Variants in LRRCC1 observed in about 807,000 individuals in gnomAD.
LRRCC1 encodes the protein leucine-rich repeat and coiled-coil domain-containing protein 1.
A neutral mutation model predicts 126.0 loss-of-function variants in LRRCC1; 115 were observed. The ratio of observed to expected loss-of-function variants is 0.91; its 90% CI spans 0.78 to 1.07. LRRCC1 has a LOEUF of 1.07. Ranked by LOEUF, LRRCC1 falls within the 50% of genes least tolerant of loss-of-function variation. The probability of loss-of-function intolerance (pLI) is 0.00; values close to 1 mark genes in which losing one functional copy is unlikely to be tolerated. For missense variants in LRRCC1, 1,172 were observed against 1,175.7 expected, an observed-to-expected ratio of 1.00 and a Z score of 0.05; for synonymous variants, 400 against 393.4, an observed-to-expected ratio of 1.02 and a Z score of -0.20.
chr8:85,123,629 T>C (rs1809743919), intron 7 of LRRCC1, 23 bp downstream of exon 7: 3 of 1,513,620 alleles, frequency 2.0e-6, no homozygotes, highest in East Asian at 2.3e-5. Context: ...GTTTTAGAAA[T>C]TTAAGGCACA....
rs1811019486 is a variant in LRRCC1, at chr8:85,138,344, G to T, written c.2709G>T (p.Leu903=). Residue 903 remains leucine (L), a synonymous_variant, in exon 17 of 19, where the codon CTG becomes CTT. Coordinates refer to ENST00000360375, the MANE Select transcript of LRRCC1 (RefSeq NM_033402.5). ...AAATTACTTCTCATATTAGTACACT[G>T]AATCGGAAGTGGCATGATAAAGGAG... ...LEEIRKAYST[L]NRKWHDKGEL... 1.9e-6 allele frequency: 3 copies of T among 1,602,848 alleles called. No homozygotes were observed. Among genetic ancestry groups the T allele is most frequent in the Non-Finnish European group, 2.5e-6 (3 of 1,176,710 alleles).
chr8:85,141,675 C>T (rs747874197), intron 18 of LRRCC1, among the ~76,000 whole-genome samples, 158 bp downstream of exon 18: 2 of 152,084 alleles, frequency 1.3e-5, no homozygotes, highest in Non-Finnish European at 1.5e-5. Context: ...CAGGGTAAAA[C>T]GTTGGTAATA....
At chr8:85,145,169 G>T (rs930108061) in intron 18 of LRRCC1, among the ~76,000 whole-genome samples, 2 of 148,750 alleles carry the variant, frequency 1.3e-5, no homozygotes, top group Admixed American at 6.7e-5. Flanking sequence ...TGAAAACTAA[G>T]TAGATAATAT....
In LRRCC1 at chr8:85,138,188, AAAC is replaced by A; in HGVS notation, c.2652_2654del (p.Gln885del). 1.2e-6 allele frequency: 2 copies of A among 1,612,528 alleles called. No homozygotes were observed. The highest frequency in any genetic ancestry group is 1.3e-5 in the African/African-American group (1 of 75,000). Reference sequence around the variant, plus strand: ...GCACAATGAAAGAAAAGAAAAACTAAAACAACAGTTGAAAGGAAAGGAAGTAGA... The same window carrying A: ...GCACAATGAAAGAAAAGAAAAACTAAAACAGTTGAAAGGAAAGGAAGTAGA... On this transcript the variant is annotated inframe_deletion, in exon 16 of 19. Transcript: ENST00000360375.
At chr8:85,107,541 C>G in intron 1 of LRRCC1, 142 bp downstream of exon 1, 2 of 676,410 alleles carry the variant, frequency 3.0e-6, no homozygotes, top group Non-Finnish European at 4.7e-6. Context: ...TCGGCCTCCC[C>G]GCTCCTCCAA....
Position 85,134,940 on chromosome 8 carries a change from T to C in LRRCC1, c.2062T>C (p.Leu688=). 6.3e-7 allele frequency: 1 copy of C among 1,596,562 alleles called. No individual in the cohort carries two copies. The highest frequency in any genetic ancestry group is 8.5e-7 in the Non-Finnish European group (1 of 1,176,416). Residue 688 remains leucine (L), a synonymous_variant, in exon 13 of 19, where the codon TTA becomes CTA. Coordinates refer to ENST00000360375, the MANE Select transcript of LRRCC1 (RefSeq NM_033402.5). The part of the protein sequence containing the change: ...AQRKENESSS[L]IKDLTCMVKE... ...ACGAAAAGAAAATGAGTCTTCCTCTTTAATTAAAGATCTGACCTGTATGGT... is the reference window on the plus strand; with the variant it reads ...ACGAAAAGAAAATGAGTCTTCCTCTCTAATTAAAGATCTGACCTGTATGGT...
intron 2 of LRRCC1, 32 bp downstream of exon 2, chr8:85,109,832 G>GT: frequency 8.5e-7 from 1 of 1,183,344 alleles, no homozygotes; most frequent in Non-Finnish European, 1.2e-6. Flanking sequence ...AACACTTAGC[G>GT]TAAGGAAAAT....
intron 8 of LRRCC1, 130 bp from the exon 9 acceptor site, chr8:85,126,559 T>TAAAAAAAAA: frequency 1.3e-6 from 1 of 778,988 alleles, no homozygotes; most frequent in South Asian, 2.1e-5. Context: ...CTCAAAAAAA[T>TAAAAAAAAA]AAAATAAAAA....
intron 9 of LRRCC1, among the ~76,000 whole-genome samples, chr8:85,128,258 G>C (rs1810161814): frequency 6.6e-6 from 1 of 152,162 alleles, no homozygotes; most frequent in Admixed American, 6.5e-5. Context: ...AGAGGACGCT[G>C]TGTCTAGGGC....
At chr8:85,144,283 A>T (rs975911340) in intron 18 of LRRCC1, among the ~76,000 whole-genome samples, 1 of 151,920 alleles carries the variant, frequency 6.6e-6, no homozygotes, top group East Asian at 1.9e-4. Context: ...CTCAGCATTG[A>T]TAAGCAGTAT....
chr8:85,129,303 A>T lies in LRRCC1; in HGVS notation c.1550A>T (p.His517Leu), dbSNP rs1354416629. The change falls in exon 10 of 19, where the codon CAC (histidine) becomes CTC (leucine). Residue 517 changes from histidine to leucine, a missense_variant. Transcript: ENST00000360375. ...LMKAKDQQED[H>L]LKHLRTLEKT... The stretch of plus-strand genomic sequence containing the variant: ...AAAGCAAAAGATCAACAAGAGGATC[A>T]CCTTAAACACTTAAGAACCCTCGAA... The T allele has an allele frequency of 6.2e-7, 1 of 1,613,752 alleles. No individual in the cohort carries two copies. The highest frequency in any genetic ancestry group is 8.5e-7 in the Non-Finnish European group (1 of 1,179,902).
chr8:85,112,504 A>G (rs955209857), intron 3 of LRRCC1, among the ~76,000 whole-genome samples: 5 of 152,234 alleles, frequency 3.3e-5, no homozygotes, highest in African/African-American at 1.2e-4. Context: ...AAATATTACC[A>G]GGGAATTAAA....
chr8:85,118,047 A>G (rs1399231801), intron 6 of LRRCC1, among the ~76,000 whole-genome samples: 1 of 152,144 alleles, frequency 6.6e-6, no homozygotes, highest in East Asian at 1.9e-4. Context: ...CACTGCCTCC[A>G]GAGGCAATCA....
chr8:85,112,222 T>A (rs1563929197), intron 3 of LRRCC1, among the ~76,000 whole-genome samples: 1 of 152,150 alleles, frequency 6.6e-6, no homozygotes, highest in Non-Finnish European at 1.5e-5. Flanking sequence ...TAAATATAAT[T>A]GTGCAGTCTG....
intron 9 of LRRCC1, among the ~76,000 whole-genome samples, chr8:85,127,667 C>G (rs907515220): frequency 6.6e-6 from 1 of 152,140 alleles, no homozygotes; most frequent in Non-Finnish European, 1.5e-5. Flanking sequence ...GTGATACTGA[C>G]GTGGTGTTTT....
intron 17 of LRRCC1, among the ~76,000 whole-genome samples, chr8:85,138,807 G>A (rs1300489425): frequency 6.6e-6 from 1 of 152,144 alleles, no homozygotes; most frequent in Non-Finnish European, 1.5e-5. Flanking sequence ...CGCTTTGGGA[G>A]GCCGAGGTGG....
Position 85,123,540 on chromosome 8 carries a change from T to TCC in LRRCC1, c.1060_1061dup (p.Tyr355LeufsTer21), listed in dbSNP as rs775775340. On this transcript the variant is annotated frameshift_variant, in exon 7 of 19. Coordinates refer to ENST00000360375, the MANE Select transcript of LRRCC1 (RefSeq NM_033402.5). LOFTEE classifies it high-confidence loss of function. The stretch of plus-strand genomic sequence containing the variant: ...AGAAAAGTTCCTCGAAGATCAAAAA[T>TCC]CCCTTATGATGCCAAAACCATTCAA... 4 of 1,610,676 alleles carry TCC rather than the reference T, an allele frequency of 2.5e-6. No individual in the cohort carries two copies. In the South Asian group the frequency reaches 4.4e-5, roughly 18 times the overall value.
intron 11 of LRRCC1, 95 bp from the exon 12 acceptor site, chr8:85,131,665 C>T: frequency 1.1e-6 from 1 of 915,464 alleles, no homozygotes; most frequent in Non-Finnish European, 1.6e-6. Context: ...ATTAACAATA[C>T]TGAATATAGA....
Position 85,124,774 on chromosome 8 carries a change from A to G in LRRCC1, c.1125-18A>G, listed in dbSNP as rs1338655502. On this transcript the variant is annotated intron_variant, in intron 7 of 18. Transcript: ENST00000360375. ...ACACTACTTTTTTGAGTTATTTTCT[A>G]TGTTTCATTCTTTACAGTTGTAATC... 4 of 1,456,692 alleles carry G rather than the reference A, an allele frequency of 2.7e-6. No individual in the cohort carries two copies. The highest frequency in any genetic ancestry group is 2.9e-5 in the African/African-American group (2 of 69,120). 90.2% of individuals were successfully genotyped at this position (1,456,692 alleles called of 1,614,324 possible).
Sources: gnomAD v4.1 joint callset for allele counts (sites outside exome capture counted in the v4.1 genomes callset) on GRCh38, gnomAD v4.1.1 for gene constraint, MANE v1.5 for transcripts, NCBI Gene and HGNC (gene_info 2026-07-23, HGNC 2026-07-21) for gene names.